PRIM2: variants seen among roughly 807,000 people sequenced by gnomAD.
The protein encoded by PRIM2 is DNA primase subunit 2, also known as DNA primase large subunit.
Under a neutral mutation model 67.3 loss-of-function variants are expected in PRIM2, and 39 were observed. That is an observed-to-expected ratio of 0.58 (90% confidence interval 0.45 to 0.76). The LOEUF is 0.76. PRIM2 is among the 30% of genes least tolerant of loss of function. The pLI, the probability that PRIM2 is intolerant of heterozygous loss-of-function variation, is 0.00. For missense variants in PRIM2, 398 were observed against 598.7 expected (o/e 0.66, Z 3.50); for synonymous variants, 143 against 198.7 (o/e 0.72, Z 2.36).
At chr6:57,493,183 T>G (rs1245114293) in intron 7 of PRIM2, among the ~76,000 whole-genome samples, 2 of 152,198 alleles carry the variant, frequency 1.3e-5, no homozygotes, top group Non-Finnish European at 2.9e-5. Flanking sequence ...GAGTAGCATC[T>G]TCATTCTTGC....
chr6:57,267,410 C>T, the PRIM2 span, among the ~76,000 whole-genome samples: 1 of 152,090 alleles, frequency 6.6e-6, no homozygotes, highest in African/African-American at 2.4e-5. Context: ...AAGCGGGTTA[C>T]TGTCTTGGGC....
At chr6:57,470,818 C>T (rs1773320185) in intron 7 of PRIM2, among the ~76,000 whole-genome samples, 1 of 152,082 alleles carries the variant, frequency 6.6e-6, no homozygotes, top group Non-Finnish European at 1.5e-5. Context: ...TCTAGATTTG[C>T]ATGAAAACCA....
At chr6:57,255,867 T>C in the PRIM2 span, among the ~76,000 whole-genome samples, 1 of 152,242 alleles carries the variant, frequency 6.6e-6, no homozygotes, top group African/African-American at 2.4e-5. Flanking sequence ...ATTTCACTGA[T>C]AGCACCAAGC....
chr6:57,425,655 CTG>C, intron 7 of PRIM2, among the ~76,000 whole-genome samples: 1 of 152,152 alleles, frequency 6.6e-6, no homozygotes, highest in East Asian at 1.9e-4. Context: ...TTTTTAGAGA[CTG>C]TAGTAATAAT....
At chr6:57,276,685 G>A in the PRIM2 span, among the ~76,000 whole-genome samples, 1 of 151,902 alleles carries the variant, frequency 6.6e-6, no homozygotes, top group Non-Finnish European at 1.5e-5. Flanking sequence ...CTTGTGCTCA[G>A]AAGTTTGAGA....
intron 13 of PRIM2, among the ~76,000 whole-genome samples, chr6:57,641,455 C>A (rs1285815710): frequency 6.6e-6 from 1 of 152,106 alleles, no homozygotes; most frequent in Non-Finnish European, 1.5e-5. Context: ...AACAGGCAAC[C>A]TACAGAATGG....
At chr6:57,296,457 G>A in the PRIM2 span, among the ~76,000 whole-genome samples, 1 of 152,068 alleles carries the variant, frequency 6.6e-6, no homozygotes, top group South Asian at 2.1e-4. Context: ...ATAAATAAAA[G>A]GAAAGGGAGA....
At chr6:57,330,833 G>A (rs571561031) in intron 5 of PRIM2, among the ~76,000 whole-genome samples, 6 of 152,090 alleles carry the variant, frequency 3.9e-5, no homozygotes, top group African/African-American at 1.2e-4. Context: ...GTTGTATTTT[G>A]TCAGTGCTTT....
At chr6:57,235,764 G>T in the PRIM2 span, among the ~76,000 whole-genome samples, 2 of 152,270 alleles carry the variant, frequency 1.3e-5, no homozygotes, top group Admixed American at 1.3e-4. Context: ...TAAGAGGGAA[G>T]CAAGAGGGTC....
chr6:57,512,562 GA>G (rs1774393133), intron 8 of PRIM2, among the ~76,000 whole-genome samples: 1 of 152,022 alleles, frequency 6.6e-6, no homozygotes, highest in Non-Finnish European at 1.5e-5. Context: ...GGAGCCTCAT[GA>G]TGTTCTCATT....
chr6:57,273,755 G>A, the PRIM2 span, among the ~76,000 whole-genome samples: 299 of 152,164 alleles, frequency 2.0e-3, 5 homozygotes, highest in Non-Finnish European at 2.3e-3. Context: ...CATCTTTTTG[G>A]TTTTATCTAC....
intron 9 of PRIM2, 78 bp downstream of exon 9, chr6:57,532,561 G>T: frequency 5.2e-6 from 3 of 574,702 alleles, no homozygotes; most frequent in Non-Finnish European, 5.8e-6. Flanking sequence ...AGACTTTTGG[G>T]TGAGGAGATA....
chr6:57,327,199 G>A (rs1409486085), intron 5 of PRIM2, among the ~76,000 whole-genome samples: 1 of 152,152 alleles, frequency 6.6e-6, no homozygotes, highest in Admixed American at 6.5e-5. Flanking sequence ...ACCGTGCCGG[G>A]CCTAGAATTT....
At chr6:57,257,253 A>G in the PRIM2 span, among the ~76,000 whole-genome samples, 1 of 150,494 alleles carries the variant, frequency 6.6e-6, no homozygotes, top group African/African-American at 2.5e-5. Context: ...ATGAAACAGA[A>G]TAAAATATCT....
At chr6:57,542,404 T>C (rs1190428006) in intron 10 of PRIM2, among the ~76,000 whole-genome samples, 1 of 149,868 alleles carries the variant, frequency 6.7e-6, no homozygotes. Context: ...CACCAGCCTA[T>C]GTGGACACTT....
chr6:57,523,163 G>A (rs1774662047), intron 8 of PRIM2, among the ~76,000 whole-genome samples: 1 of 152,212 alleles, frequency 6.6e-6, no homozygotes, highest in Non-Finnish European at 1.5e-5. Flanking sequence ...TACAATTTAA[G>A]TGAAAAATAC....
chr6:57,271,613 G>A, the PRIM2 span, among the ~76,000 whole-genome samples: 119 of 152,184 alleles, frequency 7.8e-4, 1 homozygote, highest in African/African-American at 2.7e-3. Flanking sequence ...AGGGTTTTTT[G>A]TGTCTCTATT....
At chr6:57,289,974 A>G in the PRIM2 span, among the ~76,000 whole-genome samples, 2 of 152,192 alleles carry the variant, frequency 1.3e-5, no homozygotes, top group African/African-American at 4.8e-5. Flanking sequence ...TTAAATGTAA[A>G]TGGGCTAAAT....
intron 7 of PRIM2, among the ~76,000 whole-genome samples, chr6:57,401,096 G>A (rs80326023): frequency 5.3e-5 from 8 of 152,114 alleles, no homozygotes; most frequent in East Asian, 1.9e-4. Context: ...CTTTATTTCC[G>A]TCATTTCAGC....
Sources: allele counts gnomAD v4.1 joint callset (sites outside exome capture counted in the v4.1 genomes callset), GRCh38; gene constraint gnomAD v4.1.1; transcripts MANE v1.5; gene names NCBI Gene and HGNC (gene_info 2026-07-23, HGNC 2026-07-21).